WDR27: variants seen among roughly 807,000 people sequenced by gnomAD.
The protein encoded by WDR27 is WD repeat domain 27.
In WDR27, 100 loss-of-function variants were observed where a neutral mutation model predicts 114.4. The observed-to-expected ratio is 0.87, with a 90% confidence interval of 0.74 to 1.03. The LOEUF (loss-of-function observed/expected upper bound fraction) is 1.03, where lower values mean the gene tolerates loss of function less well. Among genes scored for constraint, WDR27 ranks in the 50% least tolerant of loss-of-function variants. The pLI is 0.00. For missense variants in WDR27, 1,129 were observed against 1,092.9 expected (o/e 1.03, Z -0.47); for synonymous variants, 449 against 423.1 (o/e 1.06, Z -0.75).
intron 25 of WDR27, among the ~76,000 whole-genome samples, chr6:169,526,424 C>A (rs542801721): frequency 1.3e-5 from 2 of 152,132 alleles, no homozygotes; most frequent in African/African-American, 2.4e-5. Context: ...ACCAGCCTGG[C>A]CAACATGGTG....
chr6:169,539,214 G>A (rs775773600), intron 25 of WDR27, among the ~76,000 whole-genome samples: 1 of 152,240 alleles, frequency 6.6e-6, no homozygotes, highest in African/African-American at 2.4e-5. Context: ...CAGTGTCCCA[G>A]TCCCTTCTGT....
intron 1 of WDR27, 36 bp from the exon 2 acceptor site, chr6:169,689,048 TATC>T: frequency 1.4e-6 from 2 of 1,480,652 alleles, no homozygotes; most frequent in Non-Finnish European, 1.8e-6. Flanking sequence ...TGACTATAGG[TATC>T]ATATTTAATA....
At chr6:169,459,921 G>A (rs147305128) in intron 25 of WDR27, among the ~76,000 whole-genome samples, 151 of 152,264 alleles carry the variant, frequency 9.9e-4, no homozygotes, top group Middle Eastern at 3.4e-3. Context: ...AGCTGAGGAA[G>A]TTTGTTACCA....
chr6:169,649,136 T>G, intron 15 of WDR27, 62 bp downstream of exon 15: 1 of 1,390,826 alleles, frequency 7.2e-7, no homozygotes, highest in Non-Finnish European at 1.0e-6. Flanking sequence ...AAGAACCAGT[T>G]AAAGTGTTGG....
intron 23 of WDR27, among the ~76,000 whole-genome samples, chr6:169,587,420 T>A (rs547339638): frequency 3.2e-4 from 48 of 152,192 alleles, no homozygotes; most frequent in Admixed American, 1.8e-3. Context: ...GGTTTCACCA[T>A]GTTAGCCAGG....
At chr6:169,448,403 T>TGG in the WDR27 span, among the ~76,000 whole-genome samples, 20 of 150,492 alleles carry the variant, frequency 1.3e-4, no homozygotes, top group African/African-American at 3.7e-4. Flanking sequence ...TGTGTGTGTG[T>TGG]GTGTGTGTGT....
intron 22 of WDR27, among the ~76,000 whole-genome samples, chr6:169,611,817 C>T (rs9478076): frequency 0.74 from 112,053 of 151,976 alleles, 43,438 homozygotes; most frequent in Non-Finnish European, 0.87. Context: ...CAGTGAAATG[C>T]ATGGAGCTGT....
chr6:169,597,796 C>T (rs914871832), intron 23 of WDR27, among the ~76,000 whole-genome samples: 5 of 151,658 alleles, frequency 3.3e-5, no homozygotes, highest in African/African-American at 1.2e-4. Flanking sequence ...CTAAAGTTTT[C>T]AAGTTTTTAT....
At chr6:169,554,036 T>C (rs376677021) in intron 25 of WDR27, among the ~76,000 whole-genome samples, 3 of 152,238 alleles carry the variant, frequency 2.0e-5, no homozygotes, top group Admixed American at 1.3e-4. Flanking sequence ...TAGTGTGCTA[T>C]TGTTCTAGTT....
At chr6:169,556,971 G>A (rs1798980320) in intron 25 of WDR27, among the ~76,000 whole-genome samples, 1 of 152,176 alleles carries the variant, frequency 6.6e-6, no homozygotes, top group African/African-American at 2.4e-5. Flanking sequence ...GTGTCAAGAT[G>A]TACAACCCCA....
the WDR27 span, among the ~76,000 whole-genome samples, chr6:169,450,053 A>G: frequency 2.6e-5 from 4 of 152,192 alleles, no homozygotes; most frequent in African/African-American, 9.7e-5. Flanking sequence ...ACCAAAATCT[A>G]TTCTTTTGCA....
chr6:169,512,131 C>T (rs1792982244), intron 25 of WDR27, among the ~76,000 whole-genome samples: 1 of 152,036 alleles, frequency 6.6e-6, no homozygotes, highest in Admixed American at 6.6e-5. Flanking sequence ...GTCAAACTGA[C>T]AAAATATATT....
At position 169,494,971 on chromosome 6, in the gene WDR27, C is replaced by G. The variant is rs113632390; in HGVS notation, c.2646-37337G>C. On this transcript the variant is annotated intron_variant, in intron 25 of 25. Transcript: ENST00000448612. Reference sequence around the variant, plus strand: ...ATATAATGCTGAAAGAGAAATTGCACAAACATTAAAAACCACATACACATT... The same window carrying G: ...ATATAATGCTGAAAGAGAAATTGCAGAAACATTAAAAACCACATACACATT... Among the ~76,000 whole-genome samples the G allele has an allele frequency of 7.4e-3, 1,127 of 152,178 alleles. 20 individuals carry two copies. The highest frequency in any genetic ancestry group is 0.026 in the African/African-American group (1,081 of 41,522).
chr6:169,514,757 A>AATATATATATATATATATAT (rs112203960), intron 25 of WDR27, among the ~76,000 whole-genome samples: 92 of 143,516 alleles, frequency 6.4e-4, no homozygotes, highest in African/African-American at 2.0e-3. Context: ...AAAAAAAGAG[A>AATATATATATATATATATAT]ATATATATAT....
chr6:169,435,836 ATGAT>A, the WDR27 span, among the ~76,000 whole-genome samples: 1 of 152,204 alleles, frequency 6.6e-6, no homozygotes, highest in Non-Finnish European at 1.5e-5. Context: ...TTGGGAAGGC[ATGAT>A]TGGTTTTGAA....
At chr6:169,607,155 C>A (rs1183350537) in intron 22 of WDR27, among the ~76,000 whole-genome samples, 1 of 152,144 alleles carries the variant, frequency 6.6e-6, no homozygotes, top group Non-Finnish European at 1.5e-5. Flanking sequence ...TAAATTAGTA[C>A]AACCTCTACG....
chr6:169,550,806 C>T (rs1797994296), intron 25 of WDR27, among the ~76,000 whole-genome samples: 1 of 152,120 alleles, frequency 6.6e-6, no homozygotes, highest in African/African-American at 2.4e-5. Context: ...GCCTTGACCT[C>T]CTGGGCTCAA....
chr6:169,526,618 A>C (rs960600854), intron 25 of WDR27, among the ~76,000 whole-genome samples: 4 of 152,178 alleles, frequency 2.6e-5, no homozygotes, highest in Non-Finnish European at 5.9e-5. Flanking sequence ...GTCTCAGAAC[A>C]ATAAATAAAA....
chr6:169,622,175 G>A (rs775506463), intron 21 of WDR27, among the ~76,000 whole-genome samples: 2 of 152,148 alleles, frequency 1.3e-5, no homozygotes, highest in Non-Finnish European at 2.9e-5. Flanking sequence ...CCTTTGCTTC[G>A]AGTTGTCCCA....
Sources: allele counts gnomAD v4.1 joint callset (sites outside exome capture counted in the v4.1 genomes callset), GRCh38; gene constraint gnomAD v4.1.1; transcripts MANE v1.5; gene names NCBI Gene and HGNC (gene_info 2026-07-23, HGNC 2026-07-21).